PSMD1: variants seen among roughly 807,000 people sequenced by gnomAD.
PSMD1 encodes the protein proteasome 26S subunit, non-ATPase 1.
A neutral mutation model predicts 119.0 loss-of-function variants in PSMD1; 18 were observed. That is an observed-to-expected ratio of 0.15 (90% CI 0.10 to 0.22). The LOEUF (loss-of-function observed/expected upper bound fraction) is 0.22, where lower values mean the gene tolerates loss of function less well. Among genes scored for constraint, PSMD1 ranks in the 10% least tolerant of loss-of-function variants. The pLI, the probability that PSMD1 is intolerant of heterozygous loss-of-function variation, is 1.00. For missense variants in PSMD1, 702 were observed against 1,158.5 expected (o/e 0.61, Z 5.72); for synonymous variants, 374 against 396.6 (o/e 0.94, Z 0.68).
chr2:231,153,034 G>A (rs1024394276), intron 18 of PSMD1, among the ~76,000 whole-genome samples: 13 of 152,158 alleles, frequency 8.5e-5, no homozygotes, highest in African/African-American at 3.1e-4. Context: ...TTTGGTACGA[G>A]TACACATTCT....
chr2:231,089,838 A>G (rs1319686374), intron 16 of PSMD1, among the ~76,000 whole-genome samples: 3 of 152,110 alleles, frequency 2.0e-5, no homozygotes. Context: ...CTGAGAGCTG[A>G]TTAGATTATG....
intron 16 of PSMD1, among the ~76,000 whole-genome samples, chr2:231,115,395 T>C (rs1334428986): frequency 6.6e-6 from 1 of 152,170 alleles, no homozygotes; most frequent in Non-Finnish European, 1.5e-5. Context: ...TGTGGCATTC[T>C]GAATAAGAAT....
intron 10 of PSMD1, 44 bp downstream of exon 10, chr2:231,078,791 CTTTTTTTTTT>C: frequency 2.9e-4 from 98 of 341,372 alleles, no homozygotes; most frequent in Non-Finnish European, 4.0e-4. Context: ...AAATCTTTTT[CTTTTTTTTTT>C]TTTTTTTTTT....
rs780642449 is a variant in PSMD1, at chr2:231,170,554, C to T, written c.2716-12C>T. 2 of 1,605,348 alleles carry T rather than the reference C, an allele frequency of 1.2e-6. No homozygotes were observed. Among genetic ancestry groups the T allele is most frequent in the African/African-American group, 2.7e-5 (2 of 74,386 alleles). On this transcript the variant is annotated splice_polypyrimidine_tract_variant and intron_variant, in intron 23 of 24. Transcript: ENST00000308696. The surrounding 1 kb of genome is among the most constrained non-coding windows in gnomAD (Gnocchi z 4.1). ...TATGAGTGTACGCTTCTGCACGCCC[C>T]TGTGTTTCCAGCTCTCTATTGGAGG... is the stretch of plus-strand genomic sequence containing the variant.
intron 19 of PSMD1, among the ~76,000 whole-genome samples, chr2:231,155,586 T>C (rs902883480): frequency 3.9e-5 from 6 of 151,990 alleles, no homozygotes; most frequent in South Asian, 2.1e-4. Context: ...TCTCTATTTA[T>C]GTACTTTGTT....
chr2:231,125,658 G>A (rs1303768008), intron 16 of PSMD1, among the ~76,000 whole-genome samples: 1 of 152,094 alleles, frequency 6.6e-6, no homozygotes, highest in Non-Finnish European at 1.5e-5. Flanking sequence ...TTTCCCCATA[G>A]ACTTTACGTT....
At position 231,077,619 on chromosome 2, in the gene PSMD1, C is replaced by T. The variant is rs536496949; in HGVS notation, c.1071+457C>T. On this transcript the variant is annotated intron_variant, in intron 9 of 24. Coordinates refer to ENST00000308696, the MANE Select transcript of PSMD1 (RefSeq NM_002807.4). ...TGAACTATGATCTCCTTGAGAGCAG[C>T]GATTCTTACCTTGTTGCAGTGTTTG... is the stretch of plus-strand genomic sequence containing the variant. Among the ~76,000 whole-genome samples the T allele has an allele frequency of 6.6e-5, 10 of 151,890 alleles. No homozygotes were observed. In the South Asian group the frequency reaches 1.5e-3, roughly 22 times the overall value.
chr2:231,164,862 A>T (rs1411063447), intron 21 of PSMD1: 1 of 154,666 alleles, frequency 6.5e-6, no homozygotes, highest in Non-Finnish European at 1.4e-5. Flanking sequence ...CAATCTTGGA[A>T]GTACATGAGA....
intron 20 of PSMD1, among the ~76,000 whole-genome samples, chr2:231,161,974 T>A (rs899572923): frequency 2.0e-5 from 3 of 152,216 alleles, no homozygotes. Context: ...CAGAGTTATC[T>A]GATACTCGAG....
chr2:231,134,186 A>G (rs1293752789), intron 16 of PSMD1, among the ~76,000 whole-genome samples: 1 of 152,230 alleles, frequency 6.6e-6, no homozygotes, highest in Admixed American at 6.5e-5. Context: ...AAAGAGCAAC[A>G]AAGTTGTTTT....
Position 231,146,261 on chromosome 2 carries a change from C to T in PSMD1, c.2020C>T (p.Pro674Ser). 1.2e-6 allele frequency: 2 copies of T among 1,613,194 alleles called. No homozygotes were observed. Among genetic ancestry groups the T allele is most frequent in the East Asian group, 4.5e-5 (2 of 44,824 alleles). The change falls in exon 18 of 25, where the codon CCA becomes TCA. Residue 674 changes from proline to serine, a missense_variant. By Grantham distance (74) the Pro-to-Ser change is moderately conservative. This residue lies in a region of PSMD1 where 272 missense variants were observed against 511.6 expected (regional missense o/e 0.53). Transcript: ENST00000308696. ...TCAGGAAGCCATTAATTTGCTAGAA[C>T]CAATGACAAACGACCCCGTGAACTA... is the stretch of plus-strand genomic sequence containing the variant. Reference protein sequence around the residue: ...GNKEAINLLEPMTNDPVNYVR... With the variant: ...GNKEAINLLESMTNDPVNYVR...
chr2:231,063,977 T>C (rs897550640), intron 4 of PSMD1, among the ~76,000 whole-genome samples: 1 of 152,194 alleles, frequency 6.6e-6, no homozygotes, highest in African/African-American at 2.4e-5. Context: ...TTTTTTTTCT[T>C]TAATGAAGGT....
In PSMD1 at chr2:231,161,359, C is replaced by T. The variant is rs746297446; in HGVS notation, c.2238C>T (p.Ile746=). 6.2e-7 allele frequency: 1 copy of T among 1,610,752 alleles called. No individual in the cohort carries two copies. The highest frequency in any genetic ancestry group is 1.1e-5 in the South Asian group (1 of 90,402). Residue 746 remains isoleucine, a synonymous_variant, in exon 20 of 25, where the codon ATC becomes ATT. Coordinates refer to ENST00000308696, the MANE Select transcript of PSMD1 (RefSeq NM_002807.4). ...ILDAGGHNVT[I]SLQSRTGHTH... is the part of the protein sequence containing the mutation. ...CTACAGGTGGTCATAATGTCACAATCTCCTTGCAGTCCAGGACTGGGCATA... is the reference window on the plus strand; with the variant it reads ...CTACAGGTGGTCATAATGTCACAATTTCCTTGCAGTCCAGGACTGGGCATA...
intron 16 of PSMD1, among the ~76,000 whole-genome samples, chr2:231,100,087 G>A (rs1000044502): frequency 6.6e-6 from 1 of 152,192 alleles, no homozygotes; most frequent in Non-Finnish European, 1.5e-5. Context: ...CCACAAGGGG[G>A]CAGGGCAAGC....
At chr2:231,089,564 C>T (rs1023132369) in intron 16 of PSMD1, among the ~76,000 whole-genome samples, 8 of 151,628 alleles carry the variant, frequency 5.3e-5, no homozygotes, top group Admixed American at 2.0e-4. Flanking sequence ...ATGTATTAGT[C>T]AGGGTTCCCT....
At chr2:231,148,710 C>G (rs1432996336) in intron 18 of PSMD1, among the ~76,000 whole-genome samples, 1 of 152,194 alleles carries the variant, frequency 6.6e-6, no homozygotes, top group Non-Finnish European at 1.5e-5. Context: ...AGTTGTTACT[C>G]AGCTTAAGAA....
intron 16 of PSMD1, among the ~76,000 whole-genome samples, chr2:231,117,667 T>C (rs1041094721): frequency 9.2e-5 from 14 of 152,126 alleles, no homozygotes; most frequent in Non-Finnish European, 1.3e-4. Context: ...CATTCAGTTA[T>C]ATAAATTTTT....
intron 16 of PSMD1, chr2:231,113,995 T>C (rs1239997612): frequency 3.6e-5 from 45 of 1,260,842 alleles, no homozygotes; most frequent in Non-Finnish European, 4.9e-5. Context: ...TCTACAGTTT[T>C]TCAGGTGATA....
intron 21 of PSMD1, among the ~76,000 whole-genome samples, chr2:231,164,052 T>C (rs566767203): frequency 1.3e-5 from 2 of 152,346 alleles, no homozygotes; most frequent in South Asian, 2.1e-4. Flanking sequence ...TTTAAAACTT[T>C]CAATGTATAC....
Sources: allele counts gnomAD v4.1 joint callset (sites outside exome capture counted in the v4.1 genomes callset), GRCh38; gene constraint gnomAD v4.1.1; regional missense constraint gnomAD v4.1.1; non-coding constraint Gnocchi (gnomAD v3.1); transcripts MANE v1.5; gene names NCBI Gene and HGNC (gene_info 2026-07-23, HGNC 2026-07-21).